MLLT3: variants seen among roughly 807,000 people sequenced by gnomAD.
MLLT3 encodes the protein MLLT3 super elongation complex subunit, also known as protein AF-9.
Under a neutral mutation model 53.2 loss-of-function variants are expected in MLLT3, and 4 were observed. The ratio of observed to expected loss-of-function variants is 0.08; its 90% CI spans 0.04 to 0.17. MLLT3 has a LOEUF of 0.17. Ranked by LOEUF, MLLT3 falls within the 10% of genes least tolerant of loss-of-function variation. The pLI, the probability that MLLT3 is intolerant of heterozygous loss-of-function variation, is 1.00. For synonymous variants in MLLT3, 283 were observed against 230.6 expected (o/e 1.23, Z -2.06); for missense variants, 569 against 684.0 (o/e 0.83, Z 1.87).
intron 2 of MLLT3, among the ~76,000 whole-genome samples, chr9:20,541,161 A>G (rs1187940655): frequency 6.6e-6 from 1 of 152,132 alleles, no homozygotes; most frequent in African/African-American, 2.4e-5. Context: ...ACCTGTCTGG[A>G]CTTCACTGTC....
intron 2 of MLLT3, among the ~76,000 whole-genome samples, chr9:20,481,805 C>T (rs937259210): frequency 6.6e-6 from 1 of 152,146 alleles, no homozygotes; most frequent in African/African-American, 2.4e-5. Flanking sequence ...TTACCAAAGT[C>T]AAAATTGTGC....
At chr9:20,375,753 C>A (rs186894325) in intron 5 of MLLT3, among the ~76,000 whole-genome samples, 46 of 151,940 alleles carry the variant, frequency 3.0e-4, no homozygotes, top group African/African-American at 1.0e-3. Context: ...GGACCACAGG[C>A]ACCTGCCACC....
At chr9:20,518,178 T>C (rs1817963745) in intron 2 of MLLT3, among the ~76,000 whole-genome samples, 1 of 152,006 alleles carries the variant, frequency 6.6e-6, no homozygotes, top group Non-Finnish European at 1.5e-5. Flanking sequence ...AAACCTCATA[T>C]CTACTAAAAA....
intron 3 of MLLT3, among the ~76,000 whole-genome samples, chr9:20,454,779 G>C (rs1563972118): frequency 6.6e-6 from 1 of 152,138 alleles, no homozygotes; most frequent in Non-Finnish European, 1.5e-5. Context: ...GGGAATATGG[G>C]AGATAGAGAC....
At chr9:20,549,232 C>T (rs1818866756) in intron 2 of MLLT3, among the ~76,000 whole-genome samples, 8 of 152,150 alleles carry the variant, frequency 5.3e-5, no homozygotes, top group Admixed American at 5.2e-4. Context: ...TCCTTGGCAA[C>T]ATCAGAATGA....
At chr9:20,533,897 A>T (rs1818408779) in intron 2 of MLLT3, among the ~76,000 whole-genome samples, 1 of 152,230 alleles carries the variant, frequency 6.6e-6, no homozygotes, top group Non-Finnish European at 1.5e-5. Flanking sequence ...AGGTGGGAGA[A>T]TCAGGGACAT....
At chr9:20,554,269 CT>C (rs1819000574) in intron 2 of MLLT3, among the ~76,000 whole-genome samples, 1 of 152,052 alleles carries the variant, frequency 6.6e-6, no homozygotes, top group Non-Finnish European at 1.5e-5. Context: ...TTAAAAAAAT[CT>C]CAGTTCACAA....
At chr9:20,521,414 C>T (rs1818053902) in intron 2 of MLLT3, among the ~76,000 whole-genome samples, 1 of 151,500 alleles carries the variant, frequency 6.6e-6, no homozygotes, top group Non-Finnish European at 1.5e-5. Context: ...ATTTGTTCCT[C>T]AAAAAAAGAG....
At chr9:20,567,029 G>C (rs890139087) in intron 2 of MLLT3, among the ~76,000 whole-genome samples, 2 of 152,004 alleles carry the variant, frequency 1.3e-5, no homozygotes. Context: ...ACCGCATATA[G>C]GATTCTCAGG....
At chr9:20,477,790 G>A (rs1824563488) in intron 2 of MLLT3, among the ~76,000 whole-genome samples, 1 of 152,064 alleles carries the variant, frequency 6.6e-6, no homozygotes, top group Non-Finnish European at 1.5e-5. Flanking sequence ...AGTTATTTTT[G>A]CAAGCTCACT....
intron 2 of MLLT3, among the ~76,000 whole-genome samples, chr9:20,516,980 T>G (rs1817933489): frequency 6.6e-6 from 1 of 152,222 alleles, no homozygotes; most frequent in Non-Finnish European, 1.5e-5. Context: ...GATAAATGTT[T>G]TACTTTATTA....
In MLLT3 at chr9:20,484,430, T is replaced by A. The variant is rs531484936; in HGVS notation, c.194-27644A>T. Among the ~76,000 whole-genome samples, 7 of 152,326 alleles carry A rather than the reference T, an allele frequency of 4.6e-5. No individual in the cohort carries two copies. The East Asian group carries it at 1.3e-3, about 29-fold the overall frequency. On this transcript the variant is annotated intron_variant, in intron 2 of 10. Transcript: ENST00000380338. ...ATGCTGTATTGGAGGAAGCTATCTA[T>A]CGCCTAATTTTTCCTCAATTGCCAC... is the stretch of plus-strand genomic sequence containing the variant.
intron 2 of MLLT3, among the ~76,000 whole-genome samples, chr9:20,467,169 C>G (rs1055092893): frequency 6.6e-6 from 1 of 151,314 alleles, no homozygotes; most frequent in African/African-American, 2.4e-5. Context: ...TCAATTGAGA[C>G]AAGCTCTCAC....
chr9:20,563,327 G>A (rs1432226129), intron 2 of MLLT3, among the ~76,000 whole-genome samples: 1 of 151,908 alleles, frequency 6.6e-6, no homozygotes, highest in African/African-American at 2.4e-5. Context: ...GCTATAACAG[G>A]TGAACTAAGA....
chr9:20,394,732 G>A (rs945680681), intron 5 of MLLT3, among the ~76,000 whole-genome samples: 2 of 152,056 alleles, frequency 1.3e-5, no homozygotes, highest in Non-Finnish European at 2.9e-5. Flanking sequence ...AACATGGAAC[G>A]TATTTTTAAA....
chr9:20,376,997 T>C (rs1364028824), intron 5 of MLLT3, among the ~76,000 whole-genome samples: 5 of 152,142 alleles, frequency 3.3e-5, no homozygotes, highest in African/African-American at 1.2e-4. Context: ...CACCACTTAG[T>C]TGTGATGCCA....
At chr9:20,562,760 T>C (rs1819247941) in intron 2 of MLLT3, among the ~76,000 whole-genome samples, 1 of 152,206 alleles carries the variant, frequency 6.6e-6, no homozygotes, top group African/African-American at 2.4e-5. Flanking sequence ...AGAGGCTCAG[T>C]AGCCCTGCCT....
chr9:20,371,569 A>G (rs1305321990), intron 5 of MLLT3, among the ~76,000 whole-genome samples: 2 of 152,376 alleles, frequency 1.3e-5, no homozygotes, highest in East Asian at 3.9e-4. Flanking sequence ...CCTGGATGAC[A>G]GCACATCTGC....
intron 2 of MLLT3, among the ~76,000 whole-genome samples, chr9:20,553,795 C>A (rs1031437690): frequency 6.6e-6 from 1 of 151,636 alleles, no homozygotes; most frequent in African/African-American, 2.4e-5. Context: ...ACATTAGAAA[C>A]TTTCCTTGCC....
Sources: gnomAD v4.1 joint callset for allele counts (sites outside exome capture counted in the v4.1 genomes callset) on GRCh38, gnomAD v4.1.1 for gene constraint, MANE v1.5 for transcripts, NCBI Gene and HGNC (gene_info 2026-07-23, HGNC 2026-07-21) for gene names.